Variants in TTC28 observed in about 807,000 individuals in gnomAD.
TTC28 encodes tetratricopeptide repeat protein 28.
In TTC28, 61 loss-of-function variants were observed where a neutral mutation model predicts 198.0. The ratio of observed to expected loss-of-function variants is 0.31; its 90% CI spans 0.25 to 0.38. The LOEUF (loss-of-function observed/expected upper bound fraction) is 0.38. Among genes scored for constraint, TTC28 ranks in the 10% least tolerant of loss-of-function variants. TTC28 has a pLI of 1.00. For synonymous variants in TTC28, 1,171 were observed against 1,297.8 expected, an observed-to-expected ratio of 0.90 and a Z score of 2.10; for missense variants, 2,678 against 3,164.0, an observed-to-expected ratio of 0.85 and a Z score of 3.69.
At chr22:28,573,288 C>A (rs2050092082) in intron 2 of TTC28, among the ~76,000 whole-genome samples, 1 of 151,700 alleles carries the variant, frequency 6.6e-6, no homozygotes, top group African/African-American at 2.4e-5. Context: ...AACCCCATCT[C>A]TACTAAAAAT....
At chr22:28,368,011 A>G (rs982533452) in intron 2 of TTC28, among the ~76,000 whole-genome samples, 2 of 151,934 alleles carry the variant, frequency 1.3e-5, no homozygotes, top group African/African-American at 4.8e-5. Flanking sequence ...ACCAAATCAA[A>G]CTGTTCCTAA....
Position 28,436,686 on chromosome 22 carries a change from A to G in TTC28, c.382-130043T>C, listed in dbSNP as rs185553090. On this transcript the variant is annotated intron_variant, in intron 2 of 22. Transcript: ENST00000397906. The stretch of plus-strand genomic sequence containing the variant: ...CAAGGAACTCTCGTAAGCATTTTAC[A>G]TTATAACTACAGAGTCACACTAAGA... Among the ~76,000 whole-genome samples, 307 of 152,350 alleles carry G rather than the reference A, an allele frequency of 2.0e-3. 2 individuals are homozygous for G. The highest frequency in any genetic ancestry group is 6.8e-3 in the Middle Eastern group (2 of 294).
intron 2 of TTC28, among the ~76,000 whole-genome samples, chr22:28,383,775 T>C (rs776476071): frequency 2.4e-4 from 37 of 152,214 alleles, no homozygotes; most frequent in African/African-American, 8.0e-4. Context: ...GGCCTCCCAA[T>C]TGGAATTGGC....
chr22:28,561,712 A>G (rs1241028150), intron 2 of TTC28, among the ~76,000 whole-genome samples: 1 of 152,176 alleles, frequency 6.6e-6, no homozygotes, highest in Admixed American at 6.5e-5. Flanking sequence ...CACACTCTCA[A>G]TGCTAAGCCT....
chr22:28,079,361 TTG>T (rs1360850975), intron 12 of TTC28, among the ~76,000 whole-genome samples: 1 of 152,208 alleles, frequency 6.6e-6, no homozygotes, highest in Non-Finnish European at 1.5e-5. Flanking sequence ...CTTTAAAAAT[TTG>T]TGATAAAAAC....
rs1251858746 is a variant in TTC28, at chr22:28,105,791, C to T, written c.2795G>A (p.Ser932Asn). 1.3e-6 allele frequency: 2 copies of T among 1,550,566 alleles called. No homozygotes were observed. The highest frequency in any genetic ancestry group is 3.9e-5 in the Admixed American group (2 of 50,914). Residue 932 changes from serine to asparagine, a missense_variant, in exon 8 of 23, where the codon AGC becomes AAC. Ser to Asn is a conservative substitution (Grantham distance 46, BLOSUM62 1). Transcript: ENST00000397906. ...GLGNGHRAMGSLQQALVCFEK... is the reference protein window; with the variant it reads ...GLGNGHRAMGNLQQALVCFEK... ...AAAGCACACAAGGGCTTGCTGCAAGCTCCCCATTGCCCTGTGGGGATGTAG... is the reference window on the plus strand; with the variant it reads ...AAAGCACACAAGGGCTTGCTGCAAGTTCCCCATTGCCCTGTGGGGATGTAG...
intron 12 of TTC28, among the ~76,000 whole-genome samples, chr22:28,076,263 C>T (rs1941162785): frequency 1.3e-5 from 2 of 152,106 alleles, no homozygotes; most frequent in Admixed American, 6.5e-5. Flanking sequence ...TGTTCAAAGA[C>T]CCACTGTACA....
chr22:28,109,672 T>A (rs990430504), intron 6 of TTC28, among the ~76,000 whole-genome samples: 1 of 152,222 alleles, frequency 6.6e-6, no homozygotes, highest in Admixed American at 6.5e-5. Flanking sequence ...TAATGGTAAC[T>A]TGGGAGCTGG....
intron 2 of TTC28, among the ~76,000 whole-genome samples, chr22:28,467,722 G>T (rs984692447): frequency 6.6e-6 from 1 of 152,110 alleles, no homozygotes; most frequent in Non-Finnish European, 1.5e-5. Flanking sequence ...TAGAATTTTT[G>T]TTATATCAGA....
At position 28,150,832 on chromosome 22, in the gene TTC28, T is replaced by C. The variant is rs190977628; in HGVS notation, c.1441+12260A>G. Among the ~76,000 whole-genome samples the C allele has an allele frequency of 6.4e-4, 98 of 152,220 alleles. No individual in the cohort carries two copies. In the Middle Eastern group the frequency reaches 0.014, roughly 21 times the overall value. On this transcript the variant is annotated intron_variant, in intron 6 of 22. Transcript: ENST00000397906. ...ACTGCATAGTACCAGGCAGCACTGC[T>C]CACAAAACATGGCCAAAGAACAGCC...
At chr22:28,425,867 C>T (rs557218656) in intron 2 of TTC28, among the ~76,000 whole-genome samples, 3 of 152,232 alleles carry the variant, frequency 2.0e-5, no homozygotes, top group Non-Finnish European at 2.9e-5. Flanking sequence ...CCTCGAGGTC[C>T]ATTTACTTTG....
chr22:28,226,990 A>G (rs1928392456), intron 5 of TTC28, among the ~76,000 whole-genome samples: 1 of 152,160 alleles, frequency 6.6e-6, no homozygotes, highest in Non-Finnish European at 1.5e-5. Context: ...CAGTAGAGCA[A>G]TCATAGCTCA....
intron 12 of TTC28, among the ~76,000 whole-genome samples, chr22:28,037,593 T>C (rs1939417473): frequency 6.6e-6 from 1 of 152,210 alleles, no homozygotes. Flanking sequence ...AAGCATTCCC[T>C]TTGAAAACTG....
intron 6 of TTC28, among the ~76,000 whole-genome samples, chr22:28,156,943 T>A (rs1400634192): frequency 4.0e-5 from 6 of 151,572 alleles, no homozygotes; most frequent in Admixed American, 3.3e-4. Context: ...AGGAAAAAAA[T>A]TAAGATCAGA....
intron 6 of TTC28, among the ~76,000 whole-genome samples, chr22:28,144,253 T>C (rs1470088798): frequency 6.6e-6 from 1 of 152,234 alleles, no homozygotes; most frequent in Non-Finnish European, 1.5e-5. Context: ...GAGCTACAAT[T>C]CAAACCAGGG....
intron 2 of TTC28, among the ~76,000 whole-genome samples, chr22:28,578,985 AT>A (rs2050190832): frequency 6.6e-6 from 1 of 151,964 alleles, no homozygotes; most frequent in Non-Finnish European, 1.5e-5. Flanking sequence ...AAGGGCTGCA[AT>A]TCCTGGGCAA....
intron 6 of TTC28, among the ~76,000 whole-genome samples, chr22:28,158,575 A>G (rs940777267): frequency 7.2e-5 from 11 of 152,196 alleles, no homozygotes; most frequent in Admixed American, 7.2e-4. Context: ...ACACAGACCA[A>G]TGGAACAGAA....
At chr22:28,296,061 T>C in intron 5 of TTC28, 137 bp downstream of exon 5, 1 of 885,294 alleles carries the variant, frequency 1.1e-6, no homozygotes, top group South Asian at 2.3e-5. Context: ...AAAAACAGAA[T>C]CAGTAAGTCT....
At chr22:28,604,777 T>A (rs1255963534) in intron 2 of TTC28, among the ~76,000 whole-genome samples, 1 of 151,864 alleles carries the variant, frequency 6.6e-6, no homozygotes, top group Admixed American at 6.6e-5. Context: ...AAAAAGAAAA[T>A]GCTGCCAAAT....
Sources: gnomAD v4.1 joint callset for allele counts (sites outside exome capture counted in the v4.1 genomes callset) on GRCh38, gnomAD v4.1.1 for gene constraint, MANE v1.5 for transcripts, NCBI Gene and HGNC (gene_info 2026-07-23, HGNC 2026-07-21) for gene names.